The following LATS1 variants were observed in gnomAD, a reference collection of about 807,000 sequenced individuals.
LATS1 encodes serine/threonine-protein kinase LATS1.
A neutral mutation model predicts 106.6 loss-of-function variants in LATS1; 25 were observed. That is an observed-to-expected ratio of 0.23 (90% confidence interval 0.17 to 0.33). The LOEUF is 0.33. LATS1 is among the 10% of genes least tolerant of loss of function. The pLI, the probability that LATS1 is intolerant of heterozygous loss-of-function variation, is 1.00. For missense variants in LATS1, 1,040 were observed against 1,382.6 expected, an observed-to-expected ratio of 0.75 and a Z score of 3.93; for synonymous variants, 465 against 455.6, an observed-to-expected ratio of 1.02 and a Z score of -0.26.
In LATS1 at chr6:149,684,176, G is replaced by C. The variant is rs990287415; in HGVS notation, c.913C>G (p.Leu305Val). The change falls in exon 4 of 8, where the codon CTC (leucine) becomes GTC (valine). Residue 305 changes from leucine (L) to valine (V), a missense_variant. Leu to Val is a conservative substitution (Grantham distance 32). This residue lies in a region of LATS1 where 624 missense variants were observed against 714.8 expected (regional missense o/e 0.87). Coordinates refer to ENST00000543571, the MANE Select transcript of LATS1 (RefSeq NM_004690.4). ...GGAGGATTCATGGGGGAAGTGTTGA[G>C]AGGTGGTGGAGGATAGCCCTCTTGC... ...AWQEGYPPPP[L>V]NTSPMNPPNQ... The C allele has an allele frequency of 6.2e-7, 1 of 1,614,234 alleles. No individual in the cohort carries two copies. The highest frequency in any genetic ancestry group is 2.2e-5 in the East Asian group (1 of 44,878).
intron 7 of LATS1, among the ~76,000 whole-genome samples, chr6:149,669,323 C>T (rs532207526): frequency 5.5e-4 from 84 of 151,778 alleles, no homozygotes; most frequent in Middle Eastern, 6.8e-3. Context: ...TTAGTAGAGA[C>T]GGGGTTTCAC....
rs141016901 is a variant in LATS1 at position 149,710,451 on chromosome 6, T to C, written c.-141+7398A>G. On this transcript the variant is annotated intron_variant, in intron 1 of 7. Coordinates refer to ENST00000543571, the MANE Select transcript of LATS1 (RefSeq NM_004690.4). ...ACTGACCAAGTCCTGACTGGGCCTA[T>C]TGCTACATAGGTCATGGGTCAGAGT... Among the ~76,000 whole-genome samples, 116 of 152,360 alleles carry C rather than the reference T, an allele frequency of 7.6e-4. 1 individual carries two copies. The highest frequency in any genetic ancestry group is 2.7e-3 in the African/African-American group (111 of 41,594).
In LATS1 at chr6:149,679,933, A is replaced by G; in HGVS notation, c.2535T>C (p.Thr845=). Residue 845 remains threonine, a synonymous_variant, in exon 5 of 8, where the codon ACT becomes ACC. Transcript: ENST00000543571. The part of the protein sequence containing the change: ...LIDRDGHIKL[T]DFGLCTGFRW... Reference sequence around the variant, plus strand: ...TGAAGCCAGTGCAGAGGCCAAAGTCAGTCAATTTAATATGACCATCACGAT... The same window carrying G: ...TGAAGCCAGTGCAGAGGCCAAAGTCGGTCAATTTAATATGACCATCACGAT... 2 of 1,613,774 alleles carry G rather than the reference A, an allele frequency of 1.2e-6. No individual in the cohort carries two copies. Among genetic ancestry groups the G allele is most frequent in the South Asian group, 2.2e-5 (2 of 91,032 alleles).
intron 1 of LATS1, among the ~76,000 whole-genome samples, chr6:149,707,236 G>C (rs139537611): frequency 6.6e-6 from 1 of 151,844 alleles, no homozygotes; most frequent in East Asian, 1.9e-4. Context: ...GGCTGGTCTC[G>C]AACTCCTGAC....
chr6:149,671,424 G>A lies in LATS1; in HGVS notation c.2883+4836C>T, dbSNP rs554771192. Among the ~76,000 whole-genome samples, 12 of 151,948 alleles carry A rather than the reference G, an allele frequency of 7.9e-5. 1 individual carries two copies. Among genetic ancestry groups the A allele is most frequent in the South Asian group, 6.2e-4 (3 of 4,818 alleles). ...GCTAGGATTACAGGCGTGAGCCACC[G>A]CACCTGGCCTGATGTTCAGTTTTTT... On this transcript the variant is annotated intron_variant, in intron 7 of 7. Transcript: ENST00000543571.
At chr6:149,704,694 T>A (rs1047292342) in intron 1 of LATS1, among the ~76,000 whole-genome samples, 2 of 151,648 alleles carry the variant, frequency 1.3e-5, no homozygotes, top group African/African-American at 4.9e-5. Flanking sequence ...TTGCTCAGGC[T>A]GGTCTTGAAC....
rs369971882 is a variant in LATS1, at chr6:149,683,914, C to T, written c.1175G>A (p.Gly392Glu). The T allele has an allele frequency of 7.4e-6, 12 of 1,614,184 alleles. No homozygotes were observed. The highest frequency in any genetic ancestry group is 1.0e-5 in the Non-Finnish European group (12 of 1,180,044). ...ATATGACGAAGGAGCAGCAGATCCC[C>T]CTGTTTGTAAAGCAGAAGGGCTTTG... The part of the protein sequence containing the change: ...NGQSPSALQT[G>E]GSAAPSSYTN... Residue 392 changes from glycine to glutamate, a missense_variant, in exon 4 of 8, where the codon GGG (glycine) becomes GAG (glutamate). Gly to Glu is a moderately conservative substitution (Grantham distance 98). Coordinates refer to ENST00000543571, the MANE Select transcript of LATS1 (RefSeq NM_004690.4).
At position 149,706,183 on chromosome 6, in the gene LATS1, CAAAAAAAAAAAAAAAAAAAAA is replaced by C. The variant is rs60729757; in HGVS notation, c.-140-3938_-140-3918del. Among the ~76,000 whole-genome samples the C allele has an allele frequency of 8.1e-3, 204 of 25,288 alleles. 1 individual carries two copies. Among genetic ancestry groups the C allele is most frequent in the African/African-American group, 0.019 (126 of 6,802 alleles). 16.6% of individuals were successfully genotyped at this position (25,288 alleles called of 152,430 possible). A position where few individuals can be genotyped will look rare whatever the true frequency, so the allele number is the denominator to read the frequency against. On this transcript the variant is annotated intron_variant, in intron 1 of 7. Coordinates refer to ENST00000543571, the MANE Select transcript of LATS1 (RefSeq NM_004690.4). ...GGGCAACAAGAGCGAAACCCGGTCG[CAAAAAAAAAAAAAAAAAAAAA>C]AAAAAAAAAAAAAAAAAAAAGATAT... is the stretch of plus-strand genomic sequence containing the variant.
intron 4 of LATS1, among the ~76,000 whole-genome samples, chr6:149,681,838 G>A (rs1582871138): frequency 6.6e-6 from 1 of 152,166 alleles, no homozygotes; most frequent in African/African-American, 2.4e-5. Flanking sequence ...ATAATGGCCA[G>A]GCACAGTGGC....
chr6:149,710,968 TAG>T (rs1438410817), intron 1 of LATS1, among the ~76,000 whole-genome samples: 4 of 152,180 alleles, frequency 2.6e-5, no homozygotes, highest in Non-Finnish European at 5.9e-5. Context: ...CCTAGACCCC[TAG>T]AGGCAGGATT....
Position 149,711,256 on chromosome 6 carries a change from AT to A in LATS1, c.-141+6592del, listed in dbSNP as rs930120593. On this transcript the variant is annotated intron_variant, in intron 1 of 7. Transcript: ENST00000543571. ...CTGTTTTGTTAAAAAAAAAAAAAATATCTTTTGGCCGGGCACGGTGCCTCAC... is the reference window on the plus strand; with the variant it reads ...CTGTTTTGTTAAAAAAAAAAAAAATACTTTTGGCCGGGCACGGTGCCTCAC... Among the ~76,000 whole-genome samples the A allele has an allele frequency of 9.0e-5, 12 of 132,992 alleles. No individual in the cohort carries two copies. In the South Asian group the frequency reaches 1.2e-3, roughly 13 times the overall value. The allele number at this position is 132,992 out of a possible 152,430, so 87.2% of individuals were successfully genotyped here.
At chr6:149,674,485 C>T (rs1208794870) in intron 7 of LATS1, among the ~76,000 whole-genome samples, 1 of 152,076 alleles carries the variant, frequency 6.6e-6, no homozygotes, top group Non-Finnish European at 1.5e-5. Flanking sequence ...GACCCTCCAA[C>T]CTTAGCCTCC....
At position 149,695,231 on chromosome 6, in the gene LATS1, A is replaced by C. The variant is rs1782989745; in HGVS notation, c.349-10T>G. 6.5e-7 allele frequency: 1 copy of C among 1,549,472 alleles called. No individual in the cohort carries two copies. Among genetic ancestry groups the C allele is most frequent in the Middle Eastern group, 1.7e-4 (1 of 5,826 alleles). ...CTTGTATAACCATATCCTGATATGAATTGAAGTTTAAAAAAAAAGAAACAA... is the reference window on the plus strand; with the variant it reads ...CTTGTATAACCATATCCTGATATGACTTGAAGTTTAAAAAAAAAGAAACAA... On this transcript the variant is annotated splice_polypyrimidine_tract_variant and intron_variant, in intron 2 of 7. Coordinates refer to ENST00000543571, the MANE Select transcript of LATS1 (RefSeq NM_004690.4).
At chr6:149,677,692 T>C (rs538635828) in intron 5 of LATS1, among the ~76,000 whole-genome samples, 15 of 152,294 alleles carry the variant, frequency 9.8e-5, no homozygotes, top group Admixed American at 3.9e-4. Context: ...CATTGACATA[T>C]AGATGGCATG....
chr6:149,677,386 G>GGAGAACTGTAGGAAATGGGGC (rs1781778430), intron 5 of LATS1, among the ~76,000 whole-genome samples: 1 of 152,216 alleles, frequency 6.6e-6, no homozygotes, highest in Non-Finnish European at 1.5e-5. Flanking sequence ...CTGATAAAGG[G>GGAGAACTGTAGGAAATGGGGC]GAGAACTGTA....
At chr6:149,679,797 A>T in intron 5 of LATS1, 78 bp downstream of exon 5, 1 of 1,083,562 alleles carries the variant, frequency 9.2e-7, no homozygotes, top group Non-Finnish European at 1.3e-6. Context: ...TCCAGTGATG[A>T]TACCATCTTA....
In LATS1 at chr6:149,695,156, A is replaced by G. The variant is rs566110943; in HGVS notation, c.414T>C (p.Ile138=). ...GAGGATCTTGGTAACTCATTTTACT[A>G]ATGAATTCAATTGCTGCTTCTATAC... ...NRSIEAAIEF[I]SKMSYQDPRR... is the part of the protein sequence containing the mutation. The change falls in exon 3 of 8, where the codon ATT becomes ATC. Residue 138 remains isoleucine, a synonymous_variant. Coordinates refer to ENST00000543571, the MANE Select transcript of LATS1 (RefSeq NM_004690.4). 1.2e-6 allele frequency: 2 copies of G among 1,612,094 alleles called. No individual in the cohort carries two copies. Among genetic ancestry groups the G allele is most frequent in the South Asian group, 1.1e-5 (1 of 90,986 alleles).
intron 6 of LATS1, 79 bp downstream of exon 6, chr6:149,676,476 T>G: frequency 7.0e-7 from 1 of 1,424,490 alleles, no homozygotes; most frequent in South Asian, 1.3e-5. Context: ...ATTATAAGCC[T>G]GAAAAATAAG....
intron 4 of LATS1, among the ~76,000 whole-genome samples, chr6:149,682,427 T>C: frequency 6.6e-6 from 1 of 151,200 alleles, no homozygotes; most frequent in Admixed American, 6.6e-5. Flanking sequence ...TTTTTTTTTT[T>C]TTTTGAGACG....
Sources: allele counts gnomAD v4.1 joint callset (sites outside exome capture counted in the v4.1 genomes callset), GRCh38; gene constraint gnomAD v4.1.1; regional missense constraint gnomAD v4.1.1; transcripts MANE v1.5; gene names NCBI Gene and HGNC (gene_info 2026-07-23, HGNC 2026-07-21).